Variants in OSBPL2 observed in about 807,000 individuals in gnomAD.
OSBPL2 encodes the protein oxysterol-binding protein-related protein 2.
OSBPL2 carries 18 observed loss-of-function variants against 58.4 expected under a neutral mutation model. The ratio of observed to expected loss-of-function variants is 0.31; its 90% CI spans 0.21 to 0.46. The LOEUF is 0.46. OSBPL2 is among the 20% of genes least tolerant of loss of function. OSBPL2 has a pLI of 1.00. For synonymous variants in OSBPL2, 221 were observed against 234.1 expected (o/e 0.94, Z 0.51); for missense variants, 461 against 616.5 (o/e 0.75, Z 2.67).
At chr20:62,279,406 G>T (rs1982633367) in intron 7 of OSBPL2, 67 bp downstream of exon 7, 1 of 1,504,674 alleles carries the variant, frequency 6.6e-7, no homozygotes, top group African/African-American at 1.4e-5. Flanking sequence ...TGGTGATGTG[G>T]AGGGAAAGCT....
At chr20:62,281,222 C>A in intron 8 of OSBPL2, 57 bp downstream of exon 8, 1 of 1,299,884 alleles carries the variant, frequency 7.7e-7, no homozygotes, top group Non-Finnish European at 1.1e-6. Context: ...GATGGGCGAG[C>A]CGGGGAGCGT....
At chr20:62,282,776 A>C (rs887483443) in intron 9 of OSBPL2, among the ~76,000 whole-genome samples, 1 of 152,358 alleles carries the variant, frequency 6.6e-6, no homozygotes, top group Admixed American at 6.5e-5. Flanking sequence ...GCAGTGAGCC[A>C]AGATCACGCC....
At chr20:62,292,515 A>G (rs1331230860) in intron 13 of OSBPL2, among the ~76,000 whole-genome samples, 1 of 152,242 alleles carries the variant, frequency 6.6e-6, no homozygotes, top group Non-Finnish European at 1.5e-5. Flanking sequence ...AACTGTCCTA[A>G]GCTGGCTGTA....
At chr20:62,286,850 C>T in intron 11 of OSBPL2, 139 bp downstream of exon 11, 1 of 1,019,686 alleles carries the variant, frequency 9.8e-7, no homozygotes, top group Non-Finnish European at 1.4e-6. Context: ...CAGACAGGGG[C>T]CTCCGCCATT....
chr20:62,260,171 CCCCAAAAATACTCTGCA>C (rs1568833931), intron 3 of OSBPL2, 46 bp downstream of exon 3: 1 of 1,583,612 alleles, frequency 6.3e-7, no homozygotes, highest in Non-Finnish European at 8.6e-7. Flanking sequence ...TCTGTAATCA[CCCCAAAAATACTCTGCA>C]GGGTACCCCT....
intron 3 of OSBPL2, among the ~76,000 whole-genome samples, chr20:62,262,367 G>A (rs1197540385): frequency 6.6e-6 from 1 of 152,162 alleles, no homozygotes; most frequent in Non-Finnish European, 1.5e-5. Flanking sequence ...CCCTTGGCCT[G>A]GGGCCTCTTT....
At chr20:62,290,442 A>G (rs1474209538) in intron 12 of OSBPL2, among the ~76,000 whole-genome samples, 23 of 82,830 alleles carry the variant, frequency 2.8e-4, no homozygotes, top group Admixed American at 5.5e-4. Context: ...TTTGAGACGG[A>G]GTCTCACGCT....
chr20:62,245,823 T>C (rs1980068463), intron 1 of OSBPL2, among the ~76,000 whole-genome samples: 1 of 152,378 alleles, frequency 6.6e-6, no homozygotes, highest in African/African-American at 2.4e-5. Context: ...ATGACTTGTT[T>C]ATTTGGTTCT....
At chr20:62,271,798 G>T (rs1050634153) in intron 4 of OSBPL2, 2 of 279,032 alleles carry the variant, frequency 7.2e-6, no homozygotes, top group Non-Finnish European at 1.4e-5. Flanking sequence ...TGGAGTAGGG[G>T]AGGGGGCGCA....
intron 9 of OSBPL2, 22 bp downstream of exon 9, chr20:62,281,901 A>T (rs771115690): frequency 6.6e-7 from 1 of 1,516,910 alleles, no homozygotes; most frequent in Admixed American, 1.7e-5. Flanking sequence ...CCAAGTGTTC[A>T]TGGGGCACCA....
intron 4 of OSBPL2, among the ~76,000 whole-genome samples, chr20:62,270,087 G>A (rs1981957790): frequency 6.6e-6 from 1 of 152,226 alleles, no homozygotes; most frequent in Admixed American, 6.5e-5. Context: ...GGCCCAGGCA[G>A]AGCGCGTCCT....
At chr20:62,246,861 T>A (rs559563210) in intron 1 of OSBPL2, among the ~76,000 whole-genome samples, 2 of 152,224 alleles carry the variant, frequency 1.3e-5, no homozygotes, top group Non-Finnish European at 2.9e-5. Flanking sequence ...ACCTTTCTGT[T>A]CTTTAATTTC....
rs1460567055 is a variant in OSBPL2, at chr20:62,288,868, C to T, written c.1126-339C>T. 2.0e-5 allele frequency among the ~76,000 whole-genome samples: 3 copies of T among 152,054 alleles called. No homozygotes were observed. The highest frequency in any genetic ancestry group is 7.2e-5 in the African/African-American group (3 of 41,386). On this transcript the variant is annotated intron_variant, in intron 11 of 13. Transcript: ENST00000313733. The surrounding 1 kb of genome is among the most constrained non-coding windows in gnomAD (Gnocchi z 4.8). ...AGGGCAGGAAAGGAGCAGGTACAAG[C>T]TGAGGGTTTAGCAGTGGGAGACAGG...
At chr20:62,249,643 C>CA (rs1425679193) in intron 1 of OSBPL2, among the ~76,000 whole-genome samples, 7 of 152,216 alleles carry the variant, frequency 4.6e-5, no homozygotes. Context: ...GGCGCGATCT[C>CA]GGCTTACTGC....
At chr20:62,238,966 A>T (rs1601137405) in intron 1 of OSBPL2, 2 of 141,142 alleles carry the variant, frequency 1.4e-5, no homozygotes, top group Admixed American at 1.4e-4. Context: ...CCCGCTGAGC[A>T]GGAAGTGGGG....
At chr20:62,289,887 A>G (rs1983378733) in intron 12 of OSBPL2, among the ~76,000 whole-genome samples, 1 of 152,230 alleles carries the variant, frequency 6.6e-6, no homozygotes, top group Non-Finnish European at 1.5e-5. Flanking sequence ...CCAGGGCGAC[A>G]GAGTGAGACC....
intron 7 of OSBPL2, chr20:62,280,062 G>A (rs1310053819): frequency 3.8e-6 from 5 of 1,304,278 alleles, no homozygotes; most frequent in South Asian, 2.5e-5. Context: ...AATGCCGGCC[G>A]CTAAGACCCG....
chr20:62,262,084 C>G (rs1385685099), intron 3 of OSBPL2, among the ~76,000 whole-genome samples: 1 of 2,140 alleles, frequency 4.7e-4, no homozygotes, highest in Non-Finnish European at 2.4e-3. Flanking sequence ...CAGATCTGGA[C>G]CCCCCCCCCA....
intron 1 of OSBPL2, among the ~76,000 whole-genome samples, chr20:62,251,998 C>T (rs1313308682): frequency 6.7e-6 from 1 of 149,382 alleles, no homozygotes; most frequent in African/African-American, 2.5e-5. Flanking sequence ...CCTTCCACTT[C>T]AGCCTCCTGT....
Sources: gnomAD v4.1 joint callset for allele counts (sites outside exome capture counted in the v4.1 genomes callset) on GRCh38, gnomAD v4.1.1 for gene constraint, Gnocchi (gnomAD v3.1) non-coding constraint, MANE v1.5 for transcripts, NCBI Gene and HGNC (gene_info 2026-07-23, HGNC 2026-07-21) for gene names.